Variants in CMC1 observed in about 807,000 individuals in gnomAD.
CMC1 encodes the protein C-X9-C motif containing 1.
A neutral mutation model predicts 14.1 loss-of-function variants in CMC1; 14 were observed. That is an observed-to-expected ratio of 0.99 (90% CI 0.66 to 1.55). CMC1 has a LOEUF of 1.55. Ranked by LOEUF, CMC1 falls within the 40% of genes most tolerant of loss-of-function variation. The probability of loss-of-function intolerance (pLI) is 0.00; values close to 1 mark genes in which losing one functional copy is unlikely to be tolerated. For synonymous variants in CMC1, 50 were observed against 38.4 expected, an observed-to-expected ratio of 1.30 and a Z score of -1.12; for missense variants, 127 against 123.8, an observed-to-expected ratio of 1.03 and a Z score of -0.12.
chr3:28,243,406 G>A (rs1028671830), intron 1 of CMC1, among the ~76,000 whole-genome samples: 1 of 152,182 alleles, frequency 6.6e-6, no homozygotes, highest in Non-Finnish European at 1.5e-5. Flanking sequence ...ATCTCATACG[G>A]ATGAGGAGAC....
intron 2 of CMC1, among the ~76,000 whole-genome samples, chr3:28,314,180 C>A (rs1702775268): frequency 6.6e-6 from 1 of 152,114 alleles, no homozygotes; most frequent in Non-Finnish European, 1.5e-5. Context: ...GGATCGTAGT[C>A]TTTGCTTATG....
At chr3:28,312,354 G>A (rs1559446144) in intron 2 of CMC1, among the ~76,000 whole-genome samples, 1 of 152,128 alleles carries the variant, frequency 6.6e-6, no homozygotes, top group Non-Finnish European at 1.5e-5. Context: ...TCAGAGAAAT[G>A]AAATAATGGG....
intron 1 of CMC1, among the ~76,000 whole-genome samples, chr3:28,251,633 C>CTTTT (rs1699130071): frequency 6.6e-6 from 1 of 152,206 alleles, no homozygotes; most frequent in South Asian, 2.1e-4. Context: ...AAGGCTGAGT[C>CTTTT]TTTGAAATAA....
Position 28,323,893 on chromosome 3 carries a change from G to C in CMC1, c.*4264G>C. ...TAGAAAACCAACTATGTTGGTTTTTGTACTATTGTACAGTGTGTTCAAATA... is the reference window on the plus strand; with the variant it reads ...TAGAAAACCAACTATGTTGGTTTTTCTACTATTGTACAGTGTGTTCAAATA... On this transcript the variant is annotated 3_prime_UTR_variant, in exon 4 of 4. Coordinates refer to ENST00000466830, the MANE Select transcript of CMC1 (RefSeq NM_182523.2). The C allele has an allele frequency of 2.4e-6, 2 of 830,526 alleles. No homozygotes were observed. Among genetic ancestry groups the C allele is most frequent in the Non-Finnish European group, 3.6e-6 (2 of 552,240 alleles). 51.4% of individuals were successfully genotyped at this position (830,526 alleles called of 1,614,324 possible). A position where few individuals can be genotyped will look rare whatever the true frequency, so the allele number is the denominator to read the frequency against.
rs1209320335 is a variant in CMC1, at chr3:28,316,201, A to G, written c.110-132A>G. 7.4e-6 allele frequency: 4 copies of G among 539,342 alleles called. No individual in the cohort carries two copies. The African/African-American group carries it at 7.7e-5, about 10-fold the overall frequency. 33.4% of individuals were successfully genotyped at this position (539,342 alleles called of 1,614,324 possible). ...TAGATGTTCAAGGCTGCAGTGAGCT[A>G]TAATCATGCCACTGCACTCCAGCCT... is the stretch of plus-strand genomic sequence containing the variant. On this transcript the variant is annotated intron_variant, in intron 2 of 3. Transcript: ENST00000466830.
chr3:28,297,983 A>C (rs1701831617), intron 2 of CMC1, among the ~76,000 whole-genome samples: 1 of 152,000 alleles, frequency 6.6e-6, no homozygotes, highest in African/African-American at 2.4e-5. Flanking sequence ...CTCCAGTCAT[A>C]AGAAAACCAA....
intron 2 of CMC1, among the ~76,000 whole-genome samples, chr3:28,277,732 T>C (rs1371749717): frequency 1.3e-5 from 2 of 152,098 alleles, no homozygotes; most frequent in East Asian, 1.9e-4. Context: ...GCAGAAGGAA[T>C]ATCATGTGCA....
chr3:28,273,038 C>T (rs1229873229), intron 2 of CMC1, among the ~76,000 whole-genome samples: 1 of 152,146 alleles, frequency 6.6e-6, no homozygotes, highest in Admixed American at 6.5e-5. Context: ...ATACTGGCCT[C>T]ATAAAATGAG....
In CMC1 at chr3:28,307,009, T is replaced by G. The variant is rs142057855; in HGVS notation, c.110-9324T>G. On this transcript the variant is annotated intron_variant, in intron 2 of 3. Coordinates refer to ENST00000466830, the MANE Select transcript of CMC1 (RefSeq NM_182523.2). ...TTTGTTGAAGTTAAGATGGCCATCT[T>G]TTTGGCTCCATAGTTTTAAAACATT... 5.7e-3 allele frequency among the ~76,000 whole-genome samples: 870 copies of G among 152,302 alleles called. 6 individuals are homozygous for G. The highest frequency in any genetic ancestry group is 0.018 in the African/African-American group (738 of 41,560).
chr3:28,316,296 A>G, intron 2 of CMC1, 37 bp from the exon 3 acceptor site: 2 of 1,086,082 alleles, frequency 1.8e-6, no homozygotes, highest in South Asian at 3.1e-5. Context: ...ATATAGATAT[A>G]ATTACAAGTA....
intron 2 of CMC1, among the ~76,000 whole-genome samples, chr3:28,303,168 G>C (rs1239186454): frequency 2.0e-5 from 3 of 152,170 alleles, no homozygotes; most frequent in African/African-American, 4.8e-5. Flanking sequence ...GCCTGGTACA[G>C]AGTAAACACT....
intron 2 of CMC1, among the ~76,000 whole-genome samples, chr3:28,264,889 C>G (rs1347974889): frequency 1.3e-5 from 2 of 152,026 alleles, no homozygotes; most frequent in Non-Finnish European, 2.9e-5. Context: ...CTAGCTAACT[C>G]AATTACAGAT....
At chr3:28,242,447 A>G (rs973963926) in intron 1 of CMC1, among the ~76,000 whole-genome samples, 2 of 152,152 alleles carry the variant, frequency 1.3e-5, no homozygotes, top group Non-Finnish European at 2.9e-5. Flanking sequence ...ACATTTTTGG[A>G]GGGAATGGTA....
At chr3:28,265,162 A>G (rs993321189) in intron 2 of CMC1, among the ~76,000 whole-genome samples, 4 of 152,122 alleles carry the variant, frequency 2.6e-5, no homozygotes, top group Non-Finnish European at 5.9e-5. Flanking sequence ...GCATCTTAAA[A>G]TCTGTGACTC....
At chr3:28,294,498 G>A (rs901786751) in intron 2 of CMC1, 12 of 964,744 alleles carry the variant, frequency 1.2e-5, no homozygotes, top group Non-Finnish European at 1.4e-5. Context: ...TCCAAACTAA[G>A]TGGACGAACT....
chr3:28,306,470 G>T (rs1230338029), intron 2 of CMC1, among the ~76,000 whole-genome samples: 1 of 151,974 alleles, frequency 6.6e-6, no homozygotes, highest in African/African-American at 2.4e-5. Flanking sequence ...TATTAATGTG[G>T]TTCTCAGCTT....
intron 2 of CMC1, among the ~76,000 whole-genome samples, chr3:28,287,572 A>G (rs1056747222): frequency 2.0e-5 from 3 of 152,138 alleles, no homozygotes; most frequent in Non-Finnish European, 2.9e-5. Flanking sequence ...GCACATTTCT[A>G]TACTAAATTT....
rs1187929569 is a variant in CMC1 at position 28,274,214 on chromosome 3, TTTTTTC to T, written c.109+10840_109+10845del. Among the ~76,000 whole-genome samples, 33 of 122,602 alleles carry T rather than the reference TTTTTTC, an allele frequency of 2.7e-4. 1 individual carries two copies. Among genetic ancestry groups the T allele is most frequent in the Admixed American group, 1.9e-3 (21 of 10,888 alleles). The allele number at this position is 122,602 out of a possible 152,430, so 80.4% of individuals were successfully genotyped here. On this transcript the variant is annotated intron_variant, in intron 2 of 3. Transcript: ENST00000466830. ...GGTCTTTGTACTAAAGTGTTTTTGT[TTTTTTC>T]TTTTTTTTTTTTTTTGCAGTGGCTA...
chr3:28,280,816 A>T (rs546215693), intron 2 of CMC1, among the ~76,000 whole-genome samples: 1 of 152,360 alleles, frequency 6.6e-6, no homozygotes, highest in East Asian at 1.9e-4. Flanking sequence ...TGTGTTGATC[A>T]GAGTGAGAAA....
Sources: gnomAD v4.1 joint callset for allele counts (sites outside exome capture counted in the v4.1 genomes callset) on GRCh38, gnomAD v4.1.1 for gene constraint, MANE v1.5 for transcripts, NCBI Gene and HGNC (gene_info 2026-07-23, HGNC 2026-07-21) for gene names.